OTUD7A: variants seen among roughly 807,000 people sequenced by gnomAD.
OTUD7A encodes the protein OTU domain-containing protein 7A.
In OTUD7A, 12 loss-of-function variants were observed where a neutral mutation model predicts 65.7. The observed-to-expected ratio is 0.18, with a 90% CI of 0.12 to 0.30. The LOEUF (loss-of-function observed/expected upper bound fraction) is 0.30, where lower values mean the gene tolerates loss of function less well. Ranked by LOEUF, OTUD7A falls within the 10% of genes least tolerant of loss-of-function variation. The probability of loss-of-function intolerance (pLI) is 1.00; values close to 1 mark genes in which losing one functional copy is unlikely to be tolerated. For synonymous variants in OTUD7A, 641 were observed against 586.3 expected, an observed-to-expected ratio of 1.09 and a Z score of -1.35; for missense variants, 1,148 against 1,304.8, an observed-to-expected ratio of 0.88 and a Z score of 1.85.
chr15:31,617,464 A>T (rs1162508154), intron 3 of OTUD7A, among the ~76,000 whole-genome samples: 2 of 152,068 alleles, frequency 1.3e-5, no homozygotes, highest in Non-Finnish European at 2.9e-5. Flanking sequence ...TCCCCTGGTG[A>T]CAGAGTGAGA....
intron 1 of OTUD7A, among the ~76,000 whole-genome samples, chr15:31,816,927 G>T (rs1896565050): frequency 6.6e-6 from 1 of 152,206 alleles, no homozygotes; most frequent in African/African-American, 2.4e-5. Flanking sequence ...TGTCTGTCAT[G>T]TGACGGTACA....
intron 8 of OTUD7A, 58 bp downstream of exon 8, chr15:31,526,291 A>G (rs2042011881): frequency 1.4e-6 from 2 of 1,462,062 alleles, no homozygotes; most frequent in South Asian, 1.3e-5. Context: ...TGCTGTGTGT[A>G]GCCCTGGGTG....
intron 1 of OTUD7A, among the ~76,000 whole-genome samples, chr15:31,740,724 G>A (rs188031067): frequency 3.7e-4 from 57 of 152,290 alleles, no homozygotes; most frequent in Admixed American, 8.5e-4. Context: ...AATGTAAAGA[G>A]ACCAGATGCT....
intron 1 of OTUD7A, chr15:31,766,516 A>G (rs1895098320): frequency 6.2e-7 from 1 of 1,612,028 alleles, no homozygotes; most frequent in East Asian, 2.2e-5. Context: ...GTGGCACTAG[A>G]CTCTCCAAGT....
chr15:31,637,607 G>C (rs149259964), intron 3 of OTUD7A, among the ~76,000 whole-genome samples: 296 of 152,340 alleles, frequency 1.9e-3, no homozygotes, highest in African/African-American at 6.6e-3. Flanking sequence ...TGATTCCTCT[G>C]ATAGATCTGG....
chr15:31,710,285 C>T (rs1472539567), intron 1 of OTUD7A, among the ~76,000 whole-genome samples: 1 of 149,762 alleles, frequency 6.7e-6, no homozygotes, highest in Non-Finnish European at 1.5e-5. Context: ...GCCTTCAACT[C>T]CATTTGCTAT....
chr15:31,854,445 A>G lies in OTUD7A; in HGVS notation c.-100+16062T>C, dbSNP rs558714456. On this transcript the variant is annotated intron_variant, in intron 1 of 12. Coordinates refer to ENST00000307050, the MANE Select transcript of OTUD7A (RefSeq NM_001382637.1). ...GGGGGGTCATTATTCTGCCCACCAT[A>G]AAGAGAAACGTTTCCCTCTTCTTTT... Among the ~76,000 whole-genome samples, 6 of 152,306 alleles carry G rather than the reference A, an allele frequency of 3.9e-5. No individual in the cohort carries two copies. In the South Asian group the frequency reaches 1.0e-3, roughly 26 times the overall value.
At chr15:31,867,606 G>C (rs1879033834) in intron 1 of OTUD7A, among the ~76,000 whole-genome samples, 1 of 152,192 alleles carries the variant, frequency 6.6e-6, no homozygotes, top group African/African-American at 2.4e-5. Context: ...GTGCAGGAGA[G>C]GATTTCCACG....
intron 1 of OTUD7A, among the ~76,000 whole-genome samples, chr15:31,682,229 CAA>C (rs1892734073): frequency 6.6e-6 from 1 of 152,152 alleles, no homozygotes; most frequent in Non-Finnish European, 1.5e-5. Flanking sequence ...AAAATTCAGA[CAA>C]AAGAGACCAA....
chr15:31,804,741 A>C (rs1283595761), intron 1 of OTUD7A, among the ~76,000 whole-genome samples: 1 of 152,148 alleles, frequency 6.6e-6, no homozygotes, highest in African/African-American at 2.4e-5. Flanking sequence ...CATAAACATC[A>C]TCTCACCTGG....
At chr15:31,618,623 GTTGT>G (rs1194902380) in intron 3 of OTUD7A, among the ~76,000 whole-genome samples, 1 of 151,624 alleles carries the variant, frequency 6.6e-6, no homozygotes, top group East Asian at 1.9e-4. Context: ...TGTTGATGGG[GTTGT>G]TTTTTTCTTT....
chr15:31,608,178 C>T (rs1367445560), intron 3 of OTUD7A, among the ~76,000 whole-genome samples: 3 of 151,932 alleles, frequency 2.0e-5, no homozygotes, highest in Non-Finnish European at 2.9e-5. Context: ...ACCCGGGAGA[C>T]GGAGGTTGCA....
intron 1 of OTUD7A, among the ~76,000 whole-genome samples, chr15:31,850,537 T>C (rs1319743703): frequency 1.3e-5 from 2 of 151,222 alleles, no homozygotes; most frequent in Admixed American, 1.3e-4. Flanking sequence ...TGTGCACATG[T>C]ACCCTCAAAC....
At chr15:31,792,602 G>T (rs910810125) in intron 1 of OTUD7A, among the ~76,000 whole-genome samples, 2 of 151,984 alleles carry the variant, frequency 1.3e-5, no homozygotes, top group African/African-American at 4.8e-5. Context: ...TTCTCCTCTG[G>T]GACCCTTGCT....
rs138037556 is a variant in OTUD7A at position 31,526,417 on chromosome 15, C to G, written c.825G>C (p.Thr275=). 2 of 1,602,208 alleles carry G rather than the reference C, an allele frequency of 1.2e-6. No individual in the cohort carries two copies. Among genetic ancestry groups the G allele is most frequent in the Non-Finnish European group, 1.7e-6 (2 of 1,179,150 alleles). Reference sequence around the variant, plus strand: ...CGCTGGAGGCCAGCTTCAGCAGCTCCGTCCACTCCCGCTCCCACTCCTCCT... The same window carrying G: ...CGCTGGAGGCCAGCTTCAGCAGCTCGGTCCACTCCCGCTCCCACTCCTCCT... ...YTEEEWEREW[T]ELLKLASSEP... Residue 275 remains threonine (T), a synonymous_variant, in exon 8 of 13, where the codon ACG becomes ACC. Coordinates refer to ENST00000307050, the MANE Select transcript of OTUD7A (RefSeq NM_001382637.1).
chr15:31,546,514 G>T (rs1888136176), intron 5 of OTUD7A, among the ~76,000 whole-genome samples: 1 of 152,184 alleles, frequency 6.6e-6, no homozygotes. Flanking sequence ...CCCAAGGCAT[G>T]CACTGAAGAA....
chr15:31,756,143 G>A (rs1174839752), intron 1 of OTUD7A, among the ~76,000 whole-genome samples: 1 of 152,218 alleles, frequency 6.6e-6, no homozygotes, highest in East Asian at 1.9e-4. Flanking sequence ...GTGGACACCT[G>A]CTTTCAACTT....
intron 3 of OTUD7A, among the ~76,000 whole-genome samples, chr15:31,648,678 C>T (rs1168635781): frequency 6.6e-6 from 1 of 152,156 alleles, no homozygotes; most frequent in Admixed American, 6.5e-5. Flanking sequence ...TCAAGATGTC[C>T]TGTCTTTTTA....
At chr15:31,602,054 A>T (rs1890092566) in intron 3 of OTUD7A, among the ~76,000 whole-genome samples, 1 of 152,226 alleles carries the variant, frequency 6.6e-6, no homozygotes, top group African/African-American at 2.4e-5. Flanking sequence ...ATTCCTTCTG[A>T]AACTATTCCA....
Sources: gnomAD v4.1 joint callset for allele counts (sites outside exome capture counted in the v4.1 genomes callset) on GRCh38, gnomAD v4.1.1 for gene constraint, MANE v1.5 for transcripts, NCBI Gene and HGNC (gene_info 2026-07-23, HGNC 2026-07-21) for gene names.